Variants in GXYLT1 observed in about 807,000 individuals in gnomAD.
The protein encoded by GXYLT1 is glycosyltransferase 8 domain containing 3.
GXYLT1 carries 29 observed loss-of-function variants against 54.0 expected under a neutral mutation model. The ratio of observed to expected loss-of-function variants is 0.54; its 90% CI spans 0.40 to 0.73. The LOEUF (loss-of-function observed/expected upper bound fraction) is 0.73, where lower values mean the gene tolerates loss of function less well. Among genes scored for constraint, GXYLT1 ranks in the 30% least tolerant of loss-of-function variants. The probability of loss-of-function intolerance (pLI) is 0.00; values close to 1 mark genes in which losing one functional copy is unlikely to be tolerated. For synonymous variants in GXYLT1, 176 were observed against 204.1 expected (o/e 0.86, Z 1.17); for missense variants, 490 against 553.4 (o/e 0.89, Z 1.15).
At chr12:42,144,296 A>T in intron 1 of GXYLT1, 130 bp downstream of exon 1, 1 of 492,984 alleles carries the variant, frequency 2.0e-6, no homozygotes, top group South Asian at 3.3e-5. Context: ...GAGGGAAATG[A>T]GTGAGGGGTC....
intron 1 of GXYLT1, among the ~76,000 whole-genome samples, chr12:42,135,360 G>A (rs1391776309): frequency 2.6e-5 from 4 of 152,198 alleles, no homozygotes; most frequent in Admixed American, 6.5e-5. Flanking sequence ...TTGTTACAAA[G>A]CAAAGCAGAA....
intron 1 of GXYLT1, among the ~76,000 whole-genome samples, chr12:42,144,112 G>A (rs2065666143): frequency 6.6e-6 from 1 of 152,176 alleles, no homozygotes; most frequent in Admixed American, 6.5e-5. Context: ...TAGCCAGGCA[G>A]CAGTAAGGCT....
In GXYLT1 at chr12:42,097,946, G is replaced by C; in HGVS notation, c.952C>G (p.Gln318Glu). 6.2e-7 allele frequency: 1 copy of C among 1,601,528 alleles called. No individual in the cohort carries two copies. Among genetic ancestry groups the C allele is most frequent in the Non-Finnish European group, 8.5e-7 (1 of 1,170,226 alleles). ...AAAAACACGATATTCAATAGATCTT[G>C]ATCACCCCATGTGATGTTTAGTTTG... is the stretch of plus-strand genomic sequence containing the variant. ...KYKLNITWGD[Q>E]DLLNIVFFHN... Residue 318 changes from glutamine (Q) to glutamate (E), a missense_variant, in exon 6 of 8, where the codon CAA becomes GAA. Gln to Glu is a conservative substitution (Grantham distance 29, BLOSUM62 2). This residue lies in a region of GXYLT1 where 342 missense variants were observed against 342.6 expected (regional missense o/e 1.00). Transcript: ENST00000398675.
chr12:42,109,805 T>G, intron 3 of GXYLT1, 114 bp from the exon 4 acceptor site: 2 of 606,758 alleles, frequency 3.3e-6, no homozygotes, highest in Non-Finnish European at 5.4e-6. Flanking sequence ...ATACATTTTA[T>G]GCTGTAAAAT....
In GXYLT1 at chr12:42,144,259, CA is replaced by C. The variant is rs762457961; in HGVS notation, c.221+166del. Among the ~76,000 whole-genome samples the C allele has an allele frequency of 6.5e-3, 995 of 152,260 alleles. 5 individuals are homozygous for C. The highest frequency in any genetic ancestry group is 8.8e-3 in the Non-Finnish European group (595 of 67,982). On this transcript the variant is annotated intron_variant, in intron 1 of 7. Transcript: ENST00000398675. ...AGGACACTCTCAGGCGGGAGCAGCG[CA>C]GGTTTAGCCCCGGCCGGAGGGGAAG... is the stretch of plus-strand genomic sequence containing the variant.
chr12:42,090,899 T>A (rs1433337959), intron 7 of GXYLT1, among the ~76,000 whole-genome samples: 2 of 152,252 alleles, frequency 1.3e-5, no homozygotes, highest in Non-Finnish European at 2.9e-5. Context: ...AATTTGTAAT[T>A]TTTAAACATT....
chr12:42,119,864 A>T (rs1266029510), intron 2 of GXYLT1, among the ~76,000 whole-genome samples: 5 of 152,224 alleles, frequency 3.3e-5, no homozygotes, highest in Admixed American at 6.5e-5. Flanking sequence ...AAAACATTTT[A>T]AAAATGTTGA....
intron 1 of GXYLT1, 93 bp from the exon 2 acceptor site, chr12:42,129,944 C>A: frequency 1.3e-6 from 1 of 748,446 alleles, no homozygotes; most frequent in South Asian, 1.7e-5. Flanking sequence ...ACTTACTGTT[C>A]TATTTTAAAG....
chr12:42,112,659 G>A (rs780959966), intron 3 of GXYLT1, among the ~76,000 whole-genome samples: 1 of 152,142 alleles, frequency 6.6e-6, no homozygotes, highest in Non-Finnish European at 1.5e-5. Flanking sequence ...CCAAATCTAC[G>A]TCTGATTGGT....
chr12:42,130,004 G>C (rs1769358053), intron 1 of GXYLT1, among the ~76,000 whole-genome samples, 153 bp from the exon 2 acceptor site: 1 of 152,138 alleles, frequency 6.6e-6, no homozygotes, highest in Admixed American at 6.5e-5. Context: ...TTGGAAAACT[G>C]ATTTCTCCCT....
chr12:42,120,134 T>TA (rs991062991), intron 2 of GXYLT1, among the ~76,000 whole-genome samples: 27 of 151,488 alleles, frequency 1.8e-4, no homozygotes, highest in East Asian at 1.4e-3. Context: ...ACATTGTTAT[T>TA]AAAAAAAAAC....
At chr12:42,112,508 TA>T (rs1247835452) in intron 3 of GXYLT1, among the ~76,000 whole-genome samples, 3 of 152,086 alleles carry the variant, frequency 2.0e-5, no homozygotes, top group Non-Finnish European at 4.4e-5. Context: ...GAAGCCTCAG[TA>T]GCCAATGCGA....
intron 7 of GXYLT1, among the ~76,000 whole-genome samples, chr12:42,092,994 C>T (rs2065337009): frequency 6.6e-6 from 1 of 152,168 alleles, no homozygotes; most frequent in South Asian, 2.1e-4. Context: ...ATAAAACATT[C>T]CTAAAAGACA....
At chr12:42,093,948 A>G (rs988398258) in intron 7 of GXYLT1, among the ~76,000 whole-genome samples, 24 of 152,274 alleles carry the variant, frequency 1.6e-4, no homozygotes, top group African/African-American at 4.8e-4. Flanking sequence ...AATTCCAAAC[A>G]CAGCAAAGGT....
chr12:42,134,490 T>G (rs541872850), intron 1 of GXYLT1, among the ~76,000 whole-genome samples: 1 of 152,294 alleles, frequency 6.6e-6, no homozygotes, highest in Admixed American at 6.5e-5. Flanking sequence ...AAAAATTTTT[T>G]GTAGAGACAA....
rs201702582 is a variant in GXYLT1 at position 42,142,337 on chromosome 12, A to ATT, written c.221+2087_221+2088dup. Among the ~76,000 whole-genome samples the ATT allele has an allele frequency of 7.5e-3, 1,045 of 140,218 alleles. 14 individuals carry two copies. The highest frequency in any genetic ancestry group is 0.023 in the African/African-American group (889 of 37,950). The allele number at this position is 140,218 out of a possible 152,430, so 92.0% of individuals were successfully genotyped here. ...TATCTCATGGTGGCCAAAAAAGTTAATTTTTTTTTTTTTTTTTGAGACAGG... is the reference window on the plus strand; with the variant it reads ...TATCTCATGGTGGCCAAAAAAGTTAATTTTTTTTTTTTTTTTTTTGAGACAGG... On this transcript the variant is annotated intron_variant, in intron 1 of 7. Transcript: ENST00000398675.
chr12:42,102,637 C>T (rs977325164), intron 5 of GXYLT1, among the ~76,000 whole-genome samples: 4 of 152,074 alleles, frequency 2.6e-5, no homozygotes, highest in African/African-American at 9.7e-5. Context: ...CTGAAAAGGG[C>T]AGAGTAAACA....
intron 5 of GXYLT1, 85 bp downstream of exon 5, chr12:42,105,733 A>C: frequency 3.3e-6 from 3 of 895,650 alleles, no homozygotes; most frequent in Non-Finnish European, 5.1e-6. Context: ...AGTTCAATTT[A>C]GTTTTTAATA....
chr12:42,097,664 G>C (rs374597917), intron 6 of GXYLT1, 50 bp from the exon 7 acceptor site: 1 of 1,466,742 alleles, frequency 6.8e-7, no homozygotes, highest in African/African-American at 1.4e-5. Context: ...TAATTCCACA[G>C]ATGTAACATT....
Sources: allele counts gnomAD v4.1 joint callset (sites outside exome capture counted in the v4.1 genomes callset), GRCh38; gene constraint gnomAD v4.1.1; regional missense constraint gnomAD v4.1.1; transcripts MANE v1.5; gene names NCBI Gene and HGNC (gene_info 2026-07-23, HGNC 2026-07-21).